The following ANKRD24 variants were observed in gnomAD, a reference collection of about 807,000 sequenced individuals.
ANKRD24 encodes the protein ankyrin repeat domain 24.
In ANKRD24, 109 loss-of-function variants were observed where a neutral mutation model predicts 127.8. That is an observed-to-expected ratio of 0.85 (90% CI 0.73 to 1.00). The LOEUF (loss-of-function observed/expected upper bound fraction) is 1.00, where lower values mean the gene tolerates loss of function less well. Among genes scored for constraint, ANKRD24 ranks in the 50% least tolerant of loss-of-function variants. The pLI is 0.00. For synonymous variants in ANKRD24, 743 were observed against 671.1 expected, an observed-to-expected ratio of 1.11 and a Z score of -1.66; for missense variants, 1,648 against 1,570.2, an observed-to-expected ratio of 1.05 and a Z score of -0.84.
intron 7 of ANKRD24, among the ~76,000 whole-genome samples, chr19:4,203,957 CT>C (rs34885254): frequency 0.11 from 7,074 of 62,378 alleles, 148 homozygotes; most frequent in African/African-American, 0.13. Context: ...GCCCTTCTCC[CT>C]TTTTTTTTTT....
rs1490317946 is a variant in ANKRD24 at position 4,196,743 on chromosome 19, G to A, written c.37-2940G>A. On this transcript the variant is annotated intron_variant, in intron 2 of 21. Transcript: ENST00000318934. ...GCTGTGCCCCAGAGTCTCCAGGCCTGCGAATGCTGCGTGGCATCCAGTGGG... is the reference window on the plus strand; with the variant it reads ...GCTGTGCCCCAGAGTCTCCAGGCCTACGAATGCTGCGTGGCATCCAGTGGG... Among the ~76,000 whole-genome samples, 6 of 152,190 alleles carry A rather than the reference G, an allele frequency of 3.9e-5. No homozygotes were observed. In the East Asian group the frequency reaches 9.6e-4, roughly 24 times the overall value.
intron 2 of ANKRD24, among the ~76,000 whole-genome samples, chr19:4,193,886 A>AGGAAGGAAGGAG (rs1555712229): frequency 1.3e-5 from 2 of 150,026 alleles, no homozygotes; most frequent in Non-Finnish European, 3.0e-5. Flanking sequence ...GAAGGAAGGA[A>AGGAAGGAAGGAG]GGAAGGAAAA....
At chr19:4,192,284 A>T (rs1968426657) in intron 2 of ANKRD24, among the ~76,000 whole-genome samples, 1 of 152,100 alleles carries the variant, frequency 6.6e-6, no homozygotes, top group Admixed American at 6.6e-5. Context: ...GGGTTTCTAG[A>T]GAGTCACAGA....
chr19:4,222,097 A>T (rs1970471903), intron 19 of ANKRD24, among the ~76,000 whole-genome samples: 1 of 152,252 alleles, frequency 6.6e-6, no homozygotes, highest in African/African-American at 2.4e-5. Context: ...CTACTAAGTT[A>T]AGAACTATTG....
intron 7 of ANKRD24, among the ~76,000 whole-genome samples, chr19:4,205,945 A>G (rs925338033): frequency 2.7e-5 from 4 of 150,808 alleles, no homozygotes; most frequent in Non-Finnish European, 5.9e-5. Flanking sequence ...AATCGAGACC[A>G]TCCTGGCTAA....
Position 4,182,699 on chromosome 19 carries a change from T to A in ANKRD24, c.-78T>A. The A allele has an allele frequency of 7.1e-7, 1 of 1,411,338 alleles. No individual in the cohort carries two copies. Among genetic ancestry groups the A allele is most frequent in the Admixed American group, 3.4e-5 (1 of 29,632 alleles). 87.4% of individuals were successfully genotyped at this position (1,411,338 alleles called of 1,614,324 possible). On this transcript the variant is annotated 5_prime_UTR_variant, in exon 1 of 22. An upstream start codon of the reference 5' UTR is lost. Coordinates refer to ENST00000318934, the MANE Select transcript of ANKRD24 (RefSeq NM_001393985.1). ...CCTCTTGCTGACGCCGCAGGCGACATGTTATCTGCTGTCAGAAGGAAGCCT... is the reference window on the plus strand; with the variant it reads ...CCTCTTGCTGACGCCGCAGGCGACAAGTTATCTGCTGTCAGAAGGAAGCCT...
chr19:4,218,736 T>C (rs76078077), intron 18 of ANKRD24, among the ~76,000 whole-genome samples: 2 of 136,550 alleles, frequency 1.5e-5, no homozygotes. Context: ...CCTCCCCCCT[T>C]CCCCTTCCCT....
chr19:4,204,435 C>T (rs1421599087), intron 7 of ANKRD24, among the ~76,000 whole-genome samples: 1 of 152,102 alleles, frequency 6.6e-6, no homozygotes, highest in African/African-American at 2.4e-5. Context: ...GTCGTCTGAC[C>T]TCAAGGAGCA....
At position 4,182,724 on chromosome 19, in the gene ANKRD24, T is replaced by C; in HGVS notation, c.-53T>C. The C allele has an allele frequency of 7.1e-7, 1 of 1,403,048 alleles. No homozygotes were observed. Among genetic ancestry groups the C allele is most frequent in the Non-Finnish European group, 9.3e-7 (1 of 1,076,746 alleles). The allele number at this position is 1,403,048 out of a possible 1,614,324, so 86.9% of individuals were successfully genotyped here. On this transcript the variant is annotated 5_prime_UTR_variant, in exon 1 of 22. Coordinates refer to ENST00000318934, the MANE Select transcript of ANKRD24 (RefSeq NM_001393985.1). Reference sequence around the variant, plus strand: ...TGTTATCTGCTGTCAGAAGGAAGCCTGCCTCTTTGCATGCAGGTGTTTGCG... The same window carrying C: ...TGTTATCTGCTGTCAGAAGGAAGCCCGCCTCTTTGCATGCAGGTGTTTGCG...
intron 13 of ANKRD24, 66 bp downstream of exon 13, chr19:4,210,438 C>A: frequency 7.4e-7 from 1 of 1,343,330 alleles, no homozygotes; most frequent in Non-Finnish European, 1.0e-6. Flanking sequence ...CATGAAGATC[C>A]CCCTACTTTT....
Position 4,213,459 on chromosome 19 carries a change from T to TC in ANKRD24, c.1197+761_1197+762insC, listed in dbSNP as rs1202048524. 3.5e-5 allele frequency among the ~76,000 whole-genome samples: 5 copies of TC among 141,862 alleles called. No homozygotes were observed. The East Asian group carries it at 6.0e-4, about 17-fold the overall frequency. 93.1% of individuals were successfully genotyped at this position (141,862 alleles called of 152,430 possible). A position where few individuals can be genotyped will look rare whatever the true frequency, so the allele number is the denominator to read the frequency against. On this transcript the variant is annotated intron_variant, in intron 15 of 21. Coordinates refer to ENST00000318934, the MANE Select transcript of ANKRD24 (RefSeq NM_001393985.1). ...CTCTTTCCTTCTATCCTTCCTTCTT[T>TC]TTTTTTTTTTTTTTTGGACAGAGTC...
Position 4,202,884 on chromosome 19 carries a change from G to C in ANKRD24, c.424G>C (p.Asp142His), listed in dbSNP as rs1969171392. Residue 142 changes from aspartate (D) to histidine (H), a missense_variant, in exon 7 of 22, where the codon GAC becomes CAC. By Grantham distance (81) the Asp-to-His change is moderately conservative. Transcript: ENST00000318934. ...CCATCCCCAGGCTTCCTGCGTGGTGGACGTCGTGGACAGCAGCGGGTGGAC... is the reference window on the plus strand; with the variant it reads ...CCATCCCCAGGCTTCCTGCGTGGTGCACGTCGTGGACAGCAGCGGGTGGAC... ...KQLLQASCVV[D>H]VVDSSGWTAL... is the part of the protein sequence containing the mutation. The C allele has an allele frequency of 6.3e-7, 1 of 1,590,846 alleles. No individual in the cohort carries two copies.
Position 4,212,739 on chromosome 19 carries a change from C to T in ANKRD24, c.1197+41C>T, listed in dbSNP as rs1032666742. On this transcript the variant is annotated intron_variant, in intron 15 of 21. Transcript: ENST00000318934. ...AGTCAGGGCTGGGCTGGGGCTGGGT[C>T]GGGGAACTTCTCTCCTACAGCAGCG... The T allele has an allele frequency of 1.3e-5, 20 of 1,515,130 alleles. No homozygotes were observed. In the East Asian group the frequency reaches 1.7e-4, roughly 13 times the overall value. 93.9% of individuals were successfully genotyped at this position (1,515,130 alleles called of 1,614,324 possible).
intron 16 of ANKRD24, 96 bp downstream of exon 16, chr19:4,216,146 G>A (rs1165370331): frequency 7.0e-7 from 1 of 1,438,620 alleles, no homozygotes; most frequent in African/African-American, 1.4e-5. Flanking sequence ...AAGCTGGGAG[G>A]GAGGTTTGTA....
At chr19:4,222,526 G>A in intron 19 of ANKRD24, 144 bp from the exon 20 acceptor site, 1 of 875,682 alleles carries the variant, frequency 1.1e-6, no homozygotes. Context: ...GCCAGACGTG[G>A]CCCTCAGGCC....
Position 4,218,121 on chromosome 19 carries a change from G to C in ANKRD24, c.2961G>C (p.Glu987Asp). Residue 987 changes from glutamate to aspartate, a missense_variant, in exon 18 of 22, where the codon GAG becomes GAC. Physicochemically the swap from Glu to Asp is conservative, Grantham distance 45. Transcript: ENST00000318934. ...CCCAGCTGGAGGGGCAGCTGGAGGAGCTGGGACGGCGGCATGAGAAGACCA... is the reference window on the plus strand; with the variant it reads ...CCCAGCTGGAGGGGCAGCTGGAGGACCTGGGACGGCGGCATGAGAAGACCA... Reference protein sequence around the residue: ...NVAQLEGQLEELGRRHEKTSA... With the variant: ...NVAQLEGQLEDLGRRHEKTSA... 1 of 1,540,214 alleles carries C rather than the reference G, an allele frequency of 6.5e-7. No individual in the cohort carries two copies. The highest frequency in any genetic ancestry group is 8.7e-7 in the Non-Finnish European group (1 of 1,144,828).
In ANKRD24 at chr19:4,208,783, A is replaced by T; in HGVS notation, c.852A>T (p.Ser284=). ...CCCCAGCCCTCACAGAGGATGATTC[A>T]GGCGAGGCGTCATCTCAGGTATGGA... ...SPPSALTEDD[S]GEASSQNSMS... is the part of the protein sequence containing the mutation. The change falls in exon 11 of 22, where the codon TCA becomes TCT. Residue 284 remains serine, a synonymous_variant. Transcript: ENST00000318934. 6.2e-7 allele frequency: 1 copy of T among 1,613,114 alleles called. No homozygotes were observed. The highest frequency in any genetic ancestry group is 8.5e-7 in the Non-Finnish European group (1 of 1,179,536).
At position 4,198,541 on chromosome 19, in the gene ANKRD24, C is replaced by CG; in HGVS notation, c.37-1138dup. On this transcript the variant is annotated intron_variant, in intron 2 of 21. Transcript: ENST00000318934. This position sits in a 1 kb window ranked among gnomAD's most constrained non-coding sequence, Gnocchi z 6.1. ...CAGCCGCCTCCTTCGCGGTAGGGCC[C>CG]GGGGAGGGGGCGCAGGAGCGGGCGG... 1.8e-6 allele frequency: 1 copy of CG among 570,298 alleles called. No homozygotes were observed. The highest frequency in any genetic ancestry group is 2.0e-5 in the South Asian group (1 of 50,564). 35.3% of individuals were successfully genotyped at this position (570,298 alleles called of 1,614,324 possible).
chr19:4,212,461 G>A lies in ANKRD24; in HGVS notation c.1060-14G>A, dbSNP rs1568334540. On this transcript the variant is annotated splice_polypyrimidine_tract_variant and intron_variant, in intron 13 of 21. Transcript: ENST00000318934. ...TGCCCAGATCCAAACCCCTGTCCCT[G>A]TTTCTCCCGTCAGTCCCCGGAGGCC... 1 of 1,575,378 alleles carries A rather than the reference G, an allele frequency of 6.3e-7. No homozygotes were observed. Among genetic ancestry groups the A allele is most frequent in the Non-Finnish European group, 8.6e-7 (1 of 1,162,500 alleles).
Sources: gnomAD v4.1 joint callset for allele counts (sites outside exome capture counted in the v4.1 genomes callset) on GRCh38, gnomAD v4.1.1 for gene constraint, Gnocchi (gnomAD v3.1) non-coding constraint, MANE v1.5 for transcripts, NCBI Gene and HGNC (gene_info 2026-07-23, HGNC 2026-07-21) for gene names.